DBF4: variants seen among roughly 807,000 people sequenced by gnomAD.
The protein encoded by DBF4 is DBF4-CDC7 kinase regulatory subunit.
Under a neutral mutation model 76.6 loss-of-function variants are expected in DBF4, and 25 were observed. The ratio of observed to expected loss-of-function variants is 0.33; its 90% confidence interval spans 0.24 to 0.46. DBF4 has a LOEUF of 0.46. Among genes scored for constraint, DBF4 ranks in the 20% least tolerant of loss-of-function variants. DBF4 has a pLI of 1.00. For synonymous variants in DBF4, 213 were observed against 258.0 expected, an observed-to-expected ratio of 0.83 and a Z score of 1.67; for missense variants, 638 against 760.8, an observed-to-expected ratio of 0.84 and a Z score of 1.90.
At position 87,876,673 on chromosome 7, in the gene DBF4, T is replaced by C; in HGVS notation, c.-60T>C. On this transcript the variant is annotated 5_prime_UTR_variant, in exon 1 of 12. Coordinates refer to ENST00000265728, the MANE Select transcript of DBF4 (RefSeq NM_006716.4). Reference sequence around the variant, plus strand: ...CAACAGGCCGGGGGAAGCCGTGCTTTCGCGGCTGCCCGGTGCGACACTTTC... The same window carrying C: ...CAACAGGCCGGGGGAAGCCGTGCTTCCGCGGCTGCCCGGTGCGACACTTTC... 6.3e-6 allele frequency: 10 copies of C among 1,595,348 alleles called. No homozygotes were observed. Among genetic ancestry groups the C allele is most frequent in the African/African-American group, 1.3e-5 (1 of 74,660 alleles).
chr7:87,897,223 C>T (rs1465106419), intron 7 of DBF4, 71 bp from the exon 8 acceptor site: 3 of 1,415,596 alleles, frequency 2.1e-6, no homozygotes, highest in South Asian at 1.3e-5. Flanking sequence ...TGTTTTGCCA[C>T]AGTAGTTTTA....
rs1839123714 is a variant in DBF4 at position 87,878,366 on chromosome 7, CA to C, written c.219+147del. ...ATTTTTATCAGCTGTTTATCGTTAA[CA>C]AAAAACCATTTGTTTTAACCTTTTG... On this transcript the variant is annotated intron_variant, in intron 2 of 11. Transcript: ENST00000265728. 8.9e-6 allele frequency: 6 copies of C among 672,268 alleles called. No homozygotes were observed. The South Asian group carries it at 1.4e-4, about 15-fold the overall frequency. The allele number at this position is 672,268 out of a possible 1,614,324, so 41.6% of individuals were successfully genotyped here.
chr7:87,907,928 A>G lies in DBF4; in HGVS notation c.1790A>G (p.Asp597Gly). 6.2e-7 allele frequency: 1 copy of G among 1,612,700 alleles called. No individual in the cohort carries two copies. Among genetic ancestry groups the G allele is most frequent in the African/African-American group, 1.3e-5 (1 of 74,860 alleles). The change falls in exon 12 of 12, where the codon GAT (aspartate) becomes GGT (glycine). Residue 597 changes from aspartate to glycine, a missense_variant. Coordinates refer to ENST00000265728, the MANE Select transcript of DBF4 (RefSeq NM_006716.4). ...AATCTGGAACCAAATGCTGAATTTGATAAAAGAACTGAATTTATTACACAA... is the reference window on the plus strand; with the variant it reads ...AATCTGGAACCAAATGCTGAATTTGGTAAAAGAACTGAATTTATTACACAA... Reference protein sequence around the residue: ...KENLEPNAEFDKRTEFITQEE... With the variant: ...KENLEPNAEFGKRTEFITQEE...
Position 87,876,795 on chromosome 7 carries a change from C to T in DBF4, c.46+17C>T, listed in dbSNP as rs761390040. On this transcript the variant is annotated intron_variant, in intron 1 of 11. Coordinates refer to ENST00000265728, the MANE Select transcript of DBF4 (RefSeq NM_006716.4). ...ATTTCCAGGGTAAGAAGCCCCTCCT[C>T]CGCCTGCAGTCCCTTTAATCCTTTC... is the stretch of plus-strand genomic sequence containing the variant. 2 of 1,613,872 alleles carry T rather than the reference C, an allele frequency of 1.2e-6. No homozygotes were observed. The highest frequency in any genetic ancestry group is 2.2e-5 in the South Asian group (2 of 91,052).
intron 5 of DBF4, 106 bp downstream of exon 5, chr7:87,887,504 A>C: frequency 7.9e-7 from 1 of 1,268,350 alleles, no homozygotes. Context: ...GGGATGTCTT[A>C]ATCTGTTTCC....
chr7:87,901,751 G>A lies in DBF4; in HGVS notation c.924+873G>A, dbSNP rs551228161. ...CCTGGCTCCCTGGCTGTGTGAGCTT[G>A]GACAGTGTTTGGCACATAGTAAGTG... On this transcript the variant is annotated intron_variant, in intron 10 of 11. Transcript: ENST00000265728. Among the ~76,000 whole-genome samples the A allele has an allele frequency of 3.3e-5, 5 of 152,298 alleles. No homozygotes were observed. The South Asian group carries it at 1.0e-3, about 32-fold the overall frequency.
At chr7:87,900,037 C>CATATTTA (rs1839735224) in intron 8 of DBF4, among the ~76,000 whole-genome samples, 184 bp from the exon 9 acceptor site, 1 of 151,894 alleles carries the variant, frequency 6.6e-6, no homozygotes, top group South Asian at 2.1e-4. Flanking sequence ...GTGTATTTTA[C>CATATTTA]CACAATTTAA....
Position 87,900,307 on chromosome 7 carries a change from A to G in DBF4, c.767A>G (p.Asp256Gly). The part of the protein sequence containing the change: ...IQKPCSPFDV[D>G]KPSSMQKQTQ... ...AAGCCCTGCAGTCCATTTGATGTAG[A>G]CAAGCCATCTAGTATGCAAAAGCAA... is the stretch of plus-strand genomic sequence containing the variant. Residue 256 changes from aspartate to glycine, a missense_variant, in exon 9 of 12, where the codon GAC (aspartate) becomes GGC (glycine). Coordinates refer to ENST00000265728, the MANE Select transcript of DBF4 (RefSeq NM_006716.4). The G allele has an allele frequency of 1.2e-6, 2 of 1,601,874 alleles. No individual in the cohort carries two copies. Among genetic ancestry groups the G allele is most frequent in the Non-Finnish European group, 1.7e-6 (2 of 1,176,924 alleles).
chr7:87,907,404 A>C lies in DBF4; in HGVS notation c.1266A>C (p.Glu422Asp), dbSNP rs1839936662. 2 of 1,614,088 alleles carry C rather than the reference A, an allele frequency of 1.2e-6. No homozygotes were observed. The highest frequency in any genetic ancestry group is 1.7e-6 in the Non-Finnish European group (2 of 1,179,962). The change falls in exon 12 of 12, where the codon GAA becomes GAC. Residue 422 changes from glutamate (E) to aspartate (D), a missense_variant. Coordinates refer to ENST00000265728, the MANE Select transcript of DBF4 (RefSeq NM_006716.4). ...ISEPIPHPSN[E>D]LRGLNEKMSN... ...AGCCCATCCCCCACCCTTCAAATGA[A>C]TTGAGAGGGCTTAATGAGAAAATGA...
intron 3 of DBF4, among the ~76,000 whole-genome samples, chr7:87,885,487 G>T (rs1839323761): frequency 6.6e-6 from 1 of 152,200 alleles, no homozygotes; most frequent in East Asian, 1.9e-4. Flanking sequence ...CAGAGCAGGG[G>T]TCAGCAAACT....
At chr7:87,883,565 T>TA (rs1839270369) in intron 2 of DBF4, among the ~76,000 whole-genome samples, 1 of 152,208 alleles carries the variant, frequency 6.6e-6, no homozygotes, top group Admixed American at 6.5e-5. Flanking sequence ...GCCTGGCCCT[T>TA]ATAGGCATTT....
chr7:87,901,404 T>C (rs1282110662), intron 10 of DBF4, among the ~76,000 whole-genome samples: 1 of 152,154 alleles, frequency 6.6e-6, no homozygotes, highest in African/African-American at 2.4e-5. Flanking sequence ...TAGTCCAGAC[T>C]AAGTGGTAGT....
At chr7:87,899,626 A>G (rs1203674003) in intron 8 of DBF4, among the ~76,000 whole-genome samples, 1 of 152,270 alleles carries the variant, frequency 6.6e-6, no homozygotes, top group Non-Finnish European at 1.5e-5. Context: ...CAAGTCCATC[A>G]GCAAATTAAT....
At chr7:87,891,294 T>C (rs976238101) in intron 6 of DBF4, among the ~76,000 whole-genome samples, 1 of 151,986 alleles carries the variant, frequency 6.6e-6, no homozygotes, top group Admixed American at 6.5e-5. Flanking sequence ...GAATGTTTAA[T>C]CCTATTTTCA....
chr7:87,878,417 C>T, intron 2 of DBF4, 192 bp downstream of exon 2: 1 of 509,300 alleles, frequency 2.0e-6, no homozygotes, highest in Non-Finnish European at 3.4e-6. Flanking sequence ...TTTCAGGTTT[C>T]TCTGATTAGC....
intron 8 of DBF4, among the ~76,000 whole-genome samples, chr7:87,898,267 T>G (rs1432853680): frequency 6.6e-6 from 1 of 152,144 alleles, no homozygotes; most frequent in Non-Finnish European, 1.5e-5. Context: ...AAGAAAAAAG[T>G]GCAATTCAAA....
intron 1 of DBF4, among the ~76,000 whole-genome samples, chr7:87,877,135 G>T (rs1340180173): frequency 6.6e-6 from 1 of 152,198 alleles, no homozygotes; most frequent in Non-Finnish European, 1.5e-5. Flanking sequence ...GGAGGCGACG[G>T]ACTGCATCCT....
At chr7:87,897,175 C>G in intron 7 of DBF4, 119 bp from the exon 8 acceptor site, 1 of 911,382 alleles carries the variant, frequency 1.1e-6, no homozygotes, top group East Asian at 2.5e-5. Context: ...AGGCTTAAAA[C>G]TTTAAAGTGG....
intron 11 of DBF4, among the ~76,000 whole-genome samples, chr7:87,906,409 G>T (rs2131080069): frequency 6.8e-6 from 1 of 146,556 alleles, no homozygotes; most frequent in South Asian, 2.3e-4. Context: ...AGATAAAAAA[G>T]AACATTCTGG....
Sources: allele counts gnomAD v4.1 joint callset (sites outside exome capture counted in the v4.1 genomes callset), GRCh38; gene constraint gnomAD v4.1.1; transcripts MANE v1.5; gene names NCBI Gene and HGNC (gene_info 2026-07-23, HGNC 2026-07-21).